AFF2: variants seen among roughly 807,000 people sequenced by gnomAD.
AFF2 encodes the protein AF4/FMR2 family member 2.
A neutral mutation model predicts 76.9 loss-of-function variants in AFF2; 14 were observed. The observed-to-expected ratio is 0.18, with a 90% CI of 0.12 to 0.28. The LOEUF is 0.28. AFF2 is among the 10% of genes least tolerant of loss of function. The pLI is 1.00. For missense variants in AFF2, 868 were observed against 1,001.1 expected, an observed-to-expected ratio of 0.87 and a Z score of 1.79; for synonymous variants, 398 against 366.7, an observed-to-expected ratio of 1.09 and a Z score of -0.98.
In AFF2 at chrX:148,785,929, G is replaced by C. The variant is rs781966306; in HGVS notation, c.1042-23947G>C. On this transcript the variant is annotated intron_variant, in intron 3 of 20. Coordinates refer to ENST00000370460, the MANE Select transcript of AFF2 (RefSeq NM_002025.4). ...AAGCAATTCACTCTGCATCACTGTT[G>C]GACAAGGAACAGAATTGACTCACTT... Among the ~76,000 whole-genome samples the C allele has an allele frequency of 1.6e-4, 18 of 111,570 alleles. No individual in the cohort carries two copies. The South Asian group carries it at 6.9e-3, about 43-fold the overall frequency.
intron 7 of AFF2, among the ~76,000 whole-genome samples, chrX:148,860,051 G>A (rs1271996107): frequency 8.9e-6 from 1 of 111,767 alleles, no homozygotes; most frequent in Non-Finnish European, 1.9e-5. Context: ...AAAAATTTGA[G>A]TCGATAGTTT....
At chrX:148,661,504 A>G (rs1569552724) in intron 2 of AFF2, among the ~76,000 whole-genome samples, 2 of 112,382 alleles carry the variant, frequency 1.8e-5, no homozygotes, top group Admixed American at 9.4e-5. Context: ...AAAAATTTAT[A>G]TAGGTAGAAA....
chrX:148,775,822 C>G (rs981806127), intron 3 of AFF2, among the ~76,000 whole-genome samples: 1 of 107,830 alleles, frequency 9.3e-6, no homozygotes, highest in African/African-American at 3.3e-5. Context: ...TAGGGTCTAC[C>G]AGATAACTCA....
rs1238666025 is a variant in AFF2, at chrX:148,996,013, T to G, written c.*4681T>G. 8.9e-6 allele frequency: 1 copy of G among 112,816 alleles called. No individual in the cohort carries two copies. Among genetic ancestry groups the G allele is most frequent in the East Asian group, 2.8e-4 (1 of 3,549 alleles). 9.3% of individuals were successfully genotyped at this position (112,816 alleles called of 1,213,427 possible). ...CTCTGCAGCAGGAAGCCAGCTGTCA[T>G]ATTCGGAGGGAATTTCAGATGCTTT... is the stretch of plus-strand genomic sequence containing the variant. On this transcript the variant is annotated 3_prime_UTR_variant, in exon 21 of 21. Transcript: ENST00000370460.
intron 3 of AFF2, among the ~76,000 whole-genome samples, chrX:148,742,358 T>C (rs1200888339): frequency 1.8e-5 from 2 of 112,399 alleles, no homozygotes; most frequent in Non-Finnish European, 3.8e-5. Flanking sequence ...CTTGATTGTG[T>C]CCTCCCAAAA....
intron 8 of AFF2, among the ~76,000 whole-genome samples, chrX:148,894,551 C>T (rs1467955237): frequency 9.0e-6 from 1 of 111,593 alleles, no homozygotes; most frequent in African/African-American, 3.3e-5. Flanking sequence ...TATGGGGCCA[C>T]ATAACTCGTA....
intron 1 of AFF2, among the ~76,000 whole-genome samples, chrX:148,550,971 C>T (rs1177372386): frequency 9.2e-6 from 1 of 108,543 alleles, no homozygotes; most frequent in Non-Finnish European, 1.9e-5. Flanking sequence ...CCTAGATACA[C>T]ACTAGATAAC....
intron 1 of AFF2, among the ~76,000 whole-genome samples, chrX:148,616,969 A>G (rs1177741041): frequency 3.6e-5 from 4 of 111,554 alleles, no homozygotes; most frequent in Non-Finnish European, 7.5e-5. Context: ...AATCCAGTCT[A>G]TCGTTGTTGG....
At position 148,942,792 on chromosome X, in the gene AFF2, G is replaced by A. The variant is rs185810620; in HGVS notation, c.1398-10788G>A. 4.5e-3 allele frequency among the ~76,000 whole-genome samples: 443 copies of A among 98,049 alleles called. 2 individuals are homozygous for A. The highest frequency in any genetic ancestry group is 0.016 in the African/African-American group (426 of 27,463). 85.1% of individuals were successfully genotyped at this position (98,049 alleles called of 115,157 possible). A position where few individuals can be genotyped will look rare whatever the true frequency, so the allele number is the denominator to read the frequency against. The stretch of plus-strand genomic sequence containing the variant: ...GATCGCGCCACTGCACTCCAGCCCA[G>A]GCGATAGTGTGAGACTCCATCTCAG... On this transcript the variant is annotated intron_variant, in intron 9 of 20. Coordinates refer to ENST00000370460, the MANE Select transcript of AFF2 (RefSeq NM_002025.4).
chrX:148,619,710 A>G (rs1344763613), intron 1 of AFF2, among the ~76,000 whole-genome samples: 2 of 111,823 alleles, frequency 1.8e-5, no homozygotes, highest in Non-Finnish European at 3.8e-5. Context: ...TCCCAGTTGC[A>G]TAAGCTACAT....
chrX:148,622,762 G>A (rs1451693699), intron 1 of AFF2, among the ~76,000 whole-genome samples: 1 of 111,729 alleles, frequency 9.0e-6, no homozygotes, highest in Non-Finnish European at 1.9e-5. Flanking sequence ...TTGCGATGTA[G>A]TCCCAGGCCA....
At chrX:148,918,120 G>A (rs945089047) in intron 9 of AFF2, among the ~76,000 whole-genome samples, 1 of 112,114 alleles carries the variant, frequency 8.9e-6, no homozygotes, top group African/African-American at 3.3e-5. Flanking sequence ...CCAGTGTCAT[G>A]TTATCCAGGT....
intron 3 of AFF2, among the ~76,000 whole-genome samples, chrX:148,706,944 T>A (rs1244117868): frequency 8.9e-6 from 1 of 112,536 alleles, no homozygotes; most frequent in Non-Finnish European, 1.9e-5. Flanking sequence ...TCGTTTCTTT[T>A]GAGGACAGAG....
intron 9 of AFF2, among the ~76,000 whole-genome samples, chrX:148,926,017 T>A (rs2071646604): frequency 8.9e-6 from 1 of 112,074 alleles, no homozygotes; most frequent in African/African-American, 3.2e-5. Context: ...AAAAAGAGAA[T>A]TAAATGAGAT....
chrX:148,805,453 A>G (rs1221792410), intron 3 of AFF2, among the ~76,000 whole-genome samples: 1 of 111,004 alleles, frequency 9.0e-6, no homozygotes, highest in East Asian at 2.8e-4. Flanking sequence ...TGTGTTGATC[A>G]TTATTCTATT....
chrX:148,717,097 GA>G (rs1274875664), intron 3 of AFF2, among the ~76,000 whole-genome samples: 27 of 111,852 alleles, frequency 2.4e-4, no homozygotes, highest in African/African-American at 8.5e-4. Context: ...CGTCCACACA[GA>G]AAAATGGCAC....
intron 1 of AFF2, among the ~76,000 whole-genome samples, chrX:148,651,756 C>T (rs189094668): frequency 1.4e-3 from 153 of 111,100 alleles, no homozygotes; most frequent in African/African-American, 4.9e-3. Flanking sequence ...TTTTGCTTTA[C>T]TTGCTTGTCA....
chrX:148,885,007 C>A (rs918824479), intron 7 of AFF2, among the ~76,000 whole-genome samples: 2 of 111,337 alleles, frequency 1.8e-5, no homozygotes, highest in Non-Finnish European at 3.8e-5. Context: ...CTTCTTGAAG[C>A]CTAAGGATGA....
At chrX:148,530,801 C>G (rs1233896808) in intron 1 of AFF2, among the ~76,000 whole-genome samples, 9 of 111,349 alleles carry the variant, frequency 8.1e-5, no homozygotes, top group African/African-American at 2.6e-4. Context: ...ACAAGTATAT[C>G]CTATAGGTAT....
Sources: gnomAD v4.1 joint callset for allele counts (sites outside exome capture counted in the v4.1 genomes callset) on GRCh38, gnomAD v4.1.1 for gene constraint, MANE v1.5 for transcripts, NCBI Gene and HGNC (gene_info 2026-07-23, HGNC 2026-07-21) for gene names.